The following UNC13C variants were observed in gnomAD, a reference collection of about 807,000 sequenced individuals.
The protein encoded by UNC13C is protein unc-13 homolog C.
UNC13C carries 174 observed loss-of-function variants against 245.4 expected under a neutral mutation model. The ratio of observed to expected loss-of-function variants is 0.71; its 90% CI spans 0.63 to 0.80. The LOEUF (loss-of-function observed/expected upper bound fraction) is 0.80. Ranked by LOEUF, UNC13C falls within the 30% of genes least tolerant of loss-of-function variation. The pLI is 0.00. For synonymous variants in UNC13C, 992 were observed against 895.1 expected (o/e 1.11, Z -1.93); for missense variants, 2,829 against 2,602.9 (o/e 1.09, Z -1.89).
At chr15:54,486,238 C>A (rs1893397511) in intron 19 of UNC13C, among the ~76,000 whole-genome samples, 1 of 131,954 alleles carries the variant, frequency 7.6e-6, no homozygotes, top group African/African-American at 2.9e-5. Context: ...GGTGAAAACC[C>A]AGATCTATTA....
chr15:53,938,016 C>G, the UNC13C span, among the ~76,000 whole-genome samples: 50,355 of 152,058 alleles, frequency 0.33, 8,373 homozygotes, highest in African/African-American at 0.34. Context: ...ATGACAGGAT[C>G]AAATTCACAT....
At chr15:54,364,262 G>A (rs35165635) in intron 17 of UNC13C, among the ~76,000 whole-genome samples, 6,650 of 150,518 alleles carry the variant, frequency 0.044, 176 homozygotes, top group African/African-American at 0.082. Context: ...AGTGAATTAG[G>A]TAGTCATCTA....
At chr15:53,849,414 T>G in the UNC13C span, among the ~76,000 whole-genome samples, 1 of 152,084 alleles carries the variant, frequency 6.6e-6, no homozygotes, top group Non-Finnish European at 1.5e-5. Context: ...AATTTTATGG[T>G]CTACCTTCAA....
intron 1 of UNC13C, among the ~76,000 whole-genome samples, chr15:54,009,844 C>A (rs1895304997): frequency 6.6e-6 from 1 of 152,132 alleles, no homozygotes; most frequent in African/African-American, 2.4e-5. Context: ...TAGTGTATCA[C>A]AGAGTTGGGA....
chr15:53,845,952 A>G, the UNC13C span, among the ~76,000 whole-genome samples: 1 of 151,986 alleles, frequency 6.6e-6, no homozygotes, highest in East Asian at 1.9e-4. Flanking sequence ...AGCCTTACAC[A>G]CTCAGTAGAA....
At chr15:54,069,594 T>G (rs1027901932) in intron 2 of UNC13C, among the ~76,000 whole-genome samples, 1 of 152,232 alleles carries the variant, frequency 6.6e-6, no homozygotes. Flanking sequence ...TTTTTTATTT[T>G]ATTTCTTTGA....
chr15:54,477,444 T>G (rs1426429715), intron 19 of UNC13C, among the ~76,000 whole-genome samples: 1 of 106,860 alleles, frequency 9.4e-6, no homozygotes, highest in Non-Finnish European at 2.0e-5. Flanking sequence ...TGGCTGTGGG[T>G]TTGTCATAGA....
the UNC13C span, among the ~76,000 whole-genome samples, chr15:53,955,024 C>T: frequency 6.6e-6 from 1 of 152,114 alleles, no homozygotes; most frequent in Non-Finnish European, 1.5e-5. Context: ...TGTGGCTCTA[C>T]TTATAACATT....
At chr15:54,148,602 T>C (rs991449952) in intron 4 of UNC13C, among the ~76,000 whole-genome samples, 8 of 152,206 alleles carry the variant, frequency 5.3e-5, no homozygotes, top group Non-Finnish European at 1.2e-4. Flanking sequence ...GATAAAGTTG[T>C]TCCTACTCTC....
At chr15:54,419,144 C>G (rs577047271) in intron 19 of UNC13C, among the ~76,000 whole-genome samples, 44 of 152,202 alleles carry the variant, frequency 2.9e-4, no homozygotes, top group African/African-American at 1.1e-3. Context: ...CACCTTTGAC[C>G]ATCTACTAAA....
chr15:53,999,026 A>T (rs965416490), intron 1 of UNC13C, among the ~76,000 whole-genome samples: 1 of 151,934 alleles, frequency 6.6e-6, no homozygotes, highest in Non-Finnish European at 1.5e-5. Flanking sequence ...AACATTTTTC[A>T]TCTACGTTCA....
At chr15:54,359,268 G>T (rs917764720) in intron 17 of UNC13C, among the ~76,000 whole-genome samples, 1 of 151,790 alleles carries the variant, frequency 6.6e-6, no homozygotes, top group African/African-American at 2.4e-5. Context: ...CAGGGATATT[G>T]TCCTATAGTT....
chr15:54,008,038 A>G (rs17633542), intron 1 of UNC13C, among the ~76,000 whole-genome samples: 7,080 of 152,316 alleles, frequency 0.046, 238 homozygotes, highest in Non-Finnish European at 0.069. Context: ...TAAGGAACAT[A>G]AAATTGTTTG....
At chr15:54,366,199 T>A (rs1316605591) in intron 17 of UNC13C, among the ~76,000 whole-genome samples, 1 of 152,212 alleles carries the variant, frequency 6.6e-6, no homozygotes, top group Non-Finnish European at 1.5e-5. Flanking sequence ...TTAGAATTTA[T>A]TGCAGACATT....
chr15:54,279,094 G>A (rs915640567), intron 10 of UNC13C, among the ~76,000 whole-genome samples: 3 of 152,070 alleles, frequency 2.0e-5, no homozygotes, highest in Admixed American at 6.6e-5. Flanking sequence ...ATGATAAAGG[G>A]CAATACTGCA....
At chr15:54,050,643 C>T (rs1431564908) in intron 2 of UNC13C, 1 of 463,276 alleles carries the variant, frequency 2.2e-6, no homozygotes, top group Non-Finnish European at 4.3e-6. Context: ...GAGGACAAAG[C>T]TTTCTGCTTG....
rs2141006366 is a variant in UNC13C, at chr15:54,450,239, G to C, written c.4933+35172G>C. On this transcript the variant is annotated intron_variant, in intron 19 of 32. Transcript: ENST00000260323. Reference sequence around the variant, plus strand: ...GGTCGGGGACCCACTTGAGGAGTCAGTCTGTCCGTTCTCAGATCTCAAACA... The same window carrying C: ...GGTCGGGGACCCACTTGAGGAGTCACTCTGTCCGTTCTCAGATCTCAAACA... Among the ~76,000 whole-genome samples, 4 of 152,360 alleles carry C rather than the reference G, an allele frequency of 2.6e-5. 1 individual carries two copies. The South Asian group carries it at 8.3e-4, about 32-fold the overall frequency.
intron 4 of UNC13C, among the ~76,000 whole-genome samples, chr15:54,208,236 G>T (rs2034775313): frequency 1.3e-5 from 2 of 152,020 alleles, no homozygotes; most frequent in Non-Finnish European, 2.9e-5. Flanking sequence ...AGGGGATGGT[G>T]CATTCATGAG....
At chr15:53,972,600 A>G in the UNC13C span, 2 of 152,088 alleles carry the variant, frequency 1.3e-5, no homozygotes, top group Non-Finnish European at 1.5e-5. Context: ...GTTTCTAAAA[A>G]CCTGTTAGAC....
Sources: gnomAD v4.1 joint callset for allele counts (sites outside exome capture counted in the v4.1 genomes callset) on GRCh38, gnomAD v4.1.1 for gene constraint, MANE v1.5 for transcripts, NCBI Gene and HGNC (gene_info 2026-07-23, HGNC 2026-07-21) for gene names.